Variants in WDR7 observed in about 807,000 individuals in gnomAD.
WDR7 encodes the protein WD repeat-containing protein 7.
Under a neutral mutation model 169.4 loss-of-function variants are expected in WDR7, and 46 were observed. That is an observed-to-expected ratio of 0.27 (90% CI 0.21 to 0.35). The LOEUF (loss-of-function observed/expected upper bound fraction) is 0.35, where lower values mean the gene tolerates loss of function less well. Ranked by LOEUF, WDR7 falls within the 10% of genes least tolerant of loss-of-function variation. WDR7 has a pLI of 1.00. For synonymous variants in WDR7, 612 were observed against 666.8 expected, an observed-to-expected ratio of 0.92 and a Z score of 1.27; for missense variants, 1,534 against 1,859.3, an observed-to-expected ratio of 0.83 and a Z score of 3.22.
intron 21 of WDR7, among the ~76,000 whole-genome samples, chr18:56,919,983 C>T (rs528491211): frequency 8.3e-4 from 127 of 152,160 alleles, no homozygotes; most frequent in African/African-American, 2.9e-3. Flanking sequence ...GCATATAAGG[C>T]CCTTTGTCCT....
At chr18:56,932,012 G>A (rs1190584385) in intron 22 of WDR7, among the ~76,000 whole-genome samples, 1 of 152,140 alleles carries the variant, frequency 6.6e-6, no homozygotes, top group Non-Finnish European at 1.5e-5. Context: ...TTTAAGTAGG[G>A]CAACCAGGAA....
chr18:57,036,087 A>AATAG, the WDR7 span: 1 of 152,302 alleles, frequency 6.6e-6, no homozygotes, highest in South Asian at 2.1e-4. Flanking sequence ...GAAGGGAAGC[A>AATAG]ATAGATATCA....
At chr18:56,727,976 C>T (rs1477682612) in intron 13 of WDR7, among the ~76,000 whole-genome samples, 1 of 152,052 alleles carries the variant, frequency 6.6e-6, no homozygotes, top group Non-Finnish European at 1.5e-5. Flanking sequence ...AAAATAATTC[C>T]TTAGTTCTTC....
intron 13 of WDR7, among the ~76,000 whole-genome samples, chr18:56,728,318 T>C (rs2026504938): frequency 6.6e-6 from 1 of 152,240 alleles, no homozygotes; most frequent in South Asian, 2.1e-4. Flanking sequence ...TTTAAGTTAC[T>C]CATTTATTTG....
chr18:56,797,325 C>T (rs1173693771), intron 19 of WDR7, among the ~76,000 whole-genome samples: 1 of 152,090 alleles, frequency 6.6e-6, no homozygotes, highest in Admixed American at 6.6e-5. Context: ...AAAGAGATTA[C>T]ATTTGGACCT....
At chr18:56,927,326 G>C (rs541771019) in intron 22 of WDR7, among the ~76,000 whole-genome samples, 2 of 152,220 alleles carry the variant, frequency 1.3e-5, no homozygotes, top group African/African-American at 4.8e-5. Context: ...GTATTTTCTG[G>C]CTGGGCTTGG....
At chr18:56,805,186 C>T (rs555911177) in intron 19 of WDR7, among the ~76,000 whole-genome samples, 2 of 152,120 alleles carry the variant, frequency 1.3e-5, no homozygotes, top group Non-Finnish European at 2.9e-5. Flanking sequence ...AAATTAAGTC[C>T]ACAAGTCCAC....
At chr18:56,880,261 C>A in intron 21 of WDR7, 96 bp downstream of exon 21, 1 of 1,244,190 alleles carries the variant, frequency 8.0e-7, no homozygotes, top group Non-Finnish European at 1.1e-6. Flanking sequence ...TGAGTTTTAG[C>A]TCATTTAGAT....
chr18:56,855,753 T>G lies in WDR7; in HGVS notation c.3305-24191T>G, dbSNP rs915530174. Among the ~76,000 whole-genome samples, 9 of 152,346 alleles carry G rather than the reference T, an allele frequency of 5.9e-5. No individual in the cohort carries two copies. In the South Asian group the frequency reaches 1.9e-3, roughly 32 times the overall value. On this transcript the variant is annotated intron_variant, in intron 20 of 27. Transcript: ENST00000254442. ...GTTGGGCATGTCATTCCTTCTTTTC[T>G]TCTTCAGAAGTGTCTTGGTTATTCT...
chr18:56,863,135 TTTG>T (rs2045832185), intron 20 of WDR7, among the ~76,000 whole-genome samples: 1 of 151,768 alleles, frequency 6.6e-6, no homozygotes, highest in South Asian at 2.1e-4. Context: ...AAAACAACAT[TTTG>T]TTTCTTTTTC....
At chr18:56,725,124 G>T (rs1182148763) in intron 13 of WDR7, among the ~76,000 whole-genome samples, 1 of 150,674 alleles carries the variant, frequency 6.6e-6, no homozygotes, top group East Asian at 1.9e-4. Flanking sequence ...ATGTGTGCAT[G>T]TGTCTTTATA....
At chr18:56,699,063 GA>G (rs1453856018) in intron 12 of WDR7, among the ~76,000 whole-genome samples, 1 of 151,388 alleles carries the variant, frequency 6.6e-6, no homozygotes, top group Admixed American at 6.6e-5. Flanking sequence ...TTATAAAAAG[GA>G]AAAAAAAGAA....
chr18:57,016,648 C>G (rs2048211456), intron 26 of WDR7, among the ~76,000 whole-genome samples: 1 of 152,202 alleles, frequency 6.6e-6, no homozygotes, highest in Non-Finnish European at 1.5e-5. Context: ...CTGGTTCCTT[C>G]TCTGTACAAC....
At chr18:56,900,922 G>A (rs2046393293) in intron 21 of WDR7, among the ~76,000 whole-genome samples, 1 of 152,216 alleles carries the variant, frequency 6.6e-6, no homozygotes, top group East Asian at 1.9e-4. Context: ...GCTGGCAAAG[G>A]ACATGTTTCC....
chr18:56,956,090 A>G (rs1301655944), intron 25 of WDR7, among the ~76,000 whole-genome samples: 1 of 152,190 alleles, frequency 6.6e-6, no homozygotes, highest in Non-Finnish European at 1.5e-5. Flanking sequence ...CTTATTGACT[A>G]TTTACAGTGT....
chr18:56,958,063 T>G (rs1171280747), intron 25 of WDR7, among the ~76,000 whole-genome samples: 1 of 152,152 alleles, frequency 6.6e-6, no homozygotes, highest in African/African-American at 2.4e-5. Context: ...AGTTCATCAA[T>G]CCAAGGGAAA....
At position 56,939,306 on chromosome 18, in the gene WDR7, C is replaced by A; in HGVS notation, c.3982-5C>A. ...TAATTTTAAATCTGTTCTTTTCTGT[C>A]AAAGGTTATGGACATCATTATGTAC... On this transcript the variant is annotated splice_region_variant and splice_polypyrimidine_tract_variant and intron_variant, in intron 24 of 27. Transcript: ENST00000254442. 6.7e-7 allele frequency: 1 copy of A among 1,493,980 alleles called. No individual in the cohort carries two copies. The highest frequency in any genetic ancestry group is 1.5e-5 in the South Asian group (1 of 68,594). 92.5% of individuals were successfully genotyped at this position (1,493,980 alleles called of 1,614,324 possible). A position where few individuals can be genotyped will look rare whatever the true frequency, so the allele number is the denominator to read the frequency against.
At chr18:56,831,706 C>T (rs1323296738) in intron 20 of WDR7, among the ~76,000 whole-genome samples, 5 of 151,946 alleles carry the variant, frequency 3.3e-5, no homozygotes, top group African/African-American at 4.8e-5. Context: ...CTGGGTGAGG[C>T]GTCGTCTCAC....
chr18:56,672,718 C>G, intron 2 of WDR7, 44 bp downstream of exon 2: 1 of 1,509,286 alleles, frequency 6.6e-7, no homozygotes, highest in Non-Finnish European at 8.9e-7. Context: ...ATATAAAAAT[C>G]TACTTATTAG....
Sources: allele counts gnomAD v4.1 joint callset (sites outside exome capture counted in the v4.1 genomes callset), GRCh38; gene constraint gnomAD v4.1.1; transcripts MANE v1.5; gene names NCBI Gene and HGNC (gene_info 2026-07-23, HGNC 2026-07-21).